ZFAND3: variants seen among roughly 807,000 people sequenced by gnomAD.
The protein encoded by ZFAND3 is zinc finger AN1-type containing 3.
Under a neutral mutation model 29.6 loss-of-function variants are expected in ZFAND3, and 10 were observed. The observed-to-expected ratio is 0.34, with a 90% confidence interval of 0.21 to 0.57. The LOEUF (loss-of-function observed/expected upper bound fraction) is 0.57, where lower values mean the gene tolerates loss of function less well. Ranked by LOEUF, ZFAND3 falls within the 20% of genes least tolerant of loss-of-function variation. ZFAND3 has a pLI of 0.86. For synonymous variants in ZFAND3, 128 were observed against 112.6 expected (o/e 1.14, Z -0.87); for missense variants, 230 against 304.5 (o/e 0.76, Z 1.82).
intron 1 of ZFAND3, among the ~76,000 whole-genome samples, chr6:37,922,444 G>GA (rs1252434085): frequency 3.9e-5 from 6 of 152,102 alleles, no homozygotes; most frequent in Non-Finnish European, 8.8e-5. Flanking sequence ...AATGTAAATT[G>GA]AAAAAATGAT....
intron 2 of ZFAND3, among the ~76,000 whole-genome samples, chr6:37,968,686 ACCCTTCC>A (rs899067639): frequency 2.0e-5 from 3 of 151,810 alleles, no homozygotes; most frequent in Non-Finnish European, 4.4e-5. Context: ...ATTTATTCAA[ACCCTTCC>A]CCCTTCCCCC....
chr6:37,912,028 A>G (rs999459768), intron 1 of ZFAND3, among the ~76,000 whole-genome samples: 8 of 81,206 alleles, frequency 9.9e-5, no homozygotes, highest in Non-Finnish European at 7.5e-5. Flanking sequence ...CCAGTCTTTT[A>G]TCTGTGTGTG....
chr6:37,831,196 CA>C (rs1763853930), intron 1 of ZFAND3, among the ~76,000 whole-genome samples: 1 of 152,246 alleles, frequency 6.6e-6, no homozygotes, highest in African/African-American at 2.4e-5. Context: ...GCCCTTGCCA[CA>C]GAGCCTGGTC....
At chr6:38,029,693 A>G (rs1763512631) in intron 2 of ZFAND3, among the ~76,000 whole-genome samples, 1 of 152,228 alleles carries the variant, frequency 6.6e-6, no homozygotes, top group Admixed American at 6.5e-5. Context: ...ATTCATAAAC[A>G]CATGAAAAAT....
At chr6:38,102,899 G>A (rs1765121532) in intron 4 of ZFAND3, among the ~76,000 whole-genome samples, 1 of 152,084 alleles carries the variant, frequency 6.6e-6, no homozygotes, top group Admixed American at 6.6e-5. Flanking sequence ...TGGGACTACA[G>A]GCGCGTGCCA....
chr6:38,034,443 T>C (rs1186170353), intron 2 of ZFAND3, among the ~76,000 whole-genome samples: 1 of 152,172 alleles, frequency 6.6e-6, no homozygotes, highest in Non-Finnish European at 1.5e-5. Context: ...AGGAAAAAAG[T>C]ATTTGCATTT....
chr6:38,064,899 G>A (rs1203802813), intron 3 of ZFAND3, among the ~76,000 whole-genome samples: 1 of 152,124 alleles, frequency 6.6e-6, no homozygotes, highest in Non-Finnish European at 1.5e-5. Context: ...ACTTAAGTTT[G>A]TATTGTGTGC....
At chr6:37,919,214 C>G (rs998489572) in intron 1 of ZFAND3, among the ~76,000 whole-genome samples, 3 of 152,160 alleles carry the variant, frequency 2.0e-5, no homozygotes, top group African/African-American at 7.2e-5. Flanking sequence ...TCCCAAAGTG[C>G]TGGGATTACA....
At chr6:37,986,252 A>G (rs1423795372) in intron 2 of ZFAND3, among the ~76,000 whole-genome samples, 2 of 152,052 alleles carry the variant, frequency 1.3e-5, no homozygotes, top group Non-Finnish European at 2.9e-5. Flanking sequence ...AGTCTAAACT[A>G]CTGCCTGTTG....
At chr6:37,936,443 G>T (rs1761699862) in intron 2 of ZFAND3, among the ~76,000 whole-genome samples, 1 of 152,152 alleles carries the variant, frequency 6.6e-6, no homozygotes, top group African/African-American at 2.4e-5. Flanking sequence ...CTTATCATAA[G>T]GCAAACTTAA....
chr6:37,982,729 G>C (rs1210328830), intron 2 of ZFAND3, among the ~76,000 whole-genome samples: 1 of 152,174 alleles, frequency 6.6e-6, no homozygotes, highest in African/African-American at 2.4e-5. Context: ...TCTATCCTTA[G>C]AGTATGGTAT....
intron 4 of ZFAND3, among the ~76,000 whole-genome samples, chr6:38,103,251 A>G (rs1252150866): frequency 6.6e-6 from 1 of 151,912 alleles, no homozygotes; most frequent in East Asian, 1.9e-4. Context: ...GCTTTGTTAT[A>G]TGTTGTTTTC....
chr6:38,065,547 C>T (rs979758514), intron 3 of ZFAND3, among the ~76,000 whole-genome samples: 7 of 152,232 alleles, frequency 4.6e-5, no homozygotes, highest in Middle Eastern at 3.4e-3. Context: ...TCTTTAGATG[C>T]GGTAACATTT....
intron 2 of ZFAND3, among the ~76,000 whole-genome samples, chr6:38,046,989 A>C (rs1035812303): frequency 2.6e-5 from 4 of 152,002 alleles, no homozygotes; most frequent in Admixed American, 6.6e-5. Context: ...GCTAAAGTGT[A>C]CTGATCTAGT....
chr6:38,147,816 A>G (rs893228803), intron 5 of ZFAND3, among the ~76,000 whole-genome samples: 1 of 149,154 alleles, frequency 6.7e-6, no homozygotes, highest in Non-Finnish European at 1.5e-5. Flanking sequence ...TTTTAATAGG[A>G]TTTTTTTTTT....
At chr6:38,130,927 C>G (rs183154119) in intron 5 of ZFAND3, among the ~76,000 whole-genome samples, 11 of 152,284 alleles carry the variant, frequency 7.2e-5, no homozygotes, top group African/African-American at 2.6e-4. Context: ...TGCTGTGAAT[C>G]CGTCTGGTCT....
chr6:38,018,493 G>A (rs1374587331), intron 2 of ZFAND3, among the ~76,000 whole-genome samples: 2 of 151,934 alleles, frequency 1.3e-5, no homozygotes, highest in South Asian at 2.1e-4. Context: ...AAGGGTATAC[G>A]CTAAATCTCC....
intron 1 of ZFAND3, among the ~76,000 whole-genome samples, chr6:37,886,237 C>CAAAAAAAAAAAA (rs55661554): frequency 5.2e-5 from 5 of 95,274 alleles, no homozygotes; most frequent in Admixed American, 4.2e-4. Flanking sequence ...GACTCTGTCT[C>CAAAAAAAAAAAA]AAAAAAAAAA....
rs150008113 is a variant in ZFAND3, at chr6:38,124,848, G to T, written c.529+8109G>T. ...CGAGGAGGCGCCAAGAGTGAGCGAGGGCTGCGAGGGCTGCCAGCACGCTGT... is the reference window on the plus strand; with the variant it reads ...CGAGGAGGCGCCAAGAGTGAGCGAGTGCTGCGAGGGCTGCCAGCACGCTGT... On this transcript the variant is annotated intron_variant, in intron 5 of 5. Transcript: ENST00000287218. 0.016 allele frequency among the ~76,000 whole-genome samples: 2,508 copies of T among 152,292 alleles called. 249 individuals carry two copies. In the East Asian group the frequency reaches 0.28, roughly 17 times the overall value.
Sources: gnomAD v4.1 joint callset for allele counts (sites outside exome capture counted in the v4.1 genomes callset) on GRCh38, gnomAD v4.1.1 for gene constraint, MANE v1.5 for transcripts, NCBI Gene and HGNC (gene_info 2026-07-23, HGNC 2026-07-21) for gene names.